SRGAP1: variants seen among roughly 807,000 people sequenced by gnomAD.
SRGAP1 encodes SLIT-ROBO Rho GTPase-activating protein 1.
SRGAP1 carries 43 observed loss-of-function variants against 121.9 expected under a neutral mutation model. The ratio of observed to expected loss-of-function variants is 0.35; its 90% confidence interval spans 0.28 to 0.46. The LOEUF (loss-of-function observed/expected upper bound fraction) is 0.46. SRGAP1 is among the 20% of genes least tolerant of loss of function. The pLI is 1.00. For missense variants in SRGAP1, 1,102 were observed against 1,350.9 expected (o/e 0.82, Z 2.89); for synonymous variants, 447 against 485.4 (o/e 0.92, Z 1.04).
At chr12:64,008,098 T>C (rs144021984) in intron 3 of SRGAP1, among the ~76,000 whole-genome samples, 1 of 152,324 alleles carries the variant, frequency 6.6e-6, no homozygotes, top group African/African-American at 2.4e-5. Flanking sequence ...ACCATGGGCA[T>C]GTCATTTAAT....
intron 1 of SRGAP1, among the ~76,000 whole-genome samples, chr12:63,901,161 CCCTGGAGAAA>C (rs745964193): frequency 1.3e-5 from 2 of 152,108 alleles, no homozygotes; most frequent in Non-Finnish European, 2.9e-5. Flanking sequence ...AAGGTCCTTG[CCCTGGAGAAA>C]CCTCATAGTT....
chr12:63,934,028 A>C (rs114821633), intron 1 of SRGAP1, among the ~76,000 whole-genome samples: 1 of 152,354 alleles, frequency 6.6e-6, no homozygotes, highest in African/African-American at 2.4e-5. Flanking sequence ...CCTCTATGCC[A>C]AAGTAAATCT....
At chr12:64,092,008 AT>A in intron 12 of SRGAP1, 3 of 1,154,196 alleles carry the variant, frequency 2.6e-6, no homozygotes, top group Non-Finnish European at 2.5e-6. Context: ...CTTTAATTAG[AT>A]TGTTAAGGTT....
At position 64,146,422 on chromosome 12, in the gene SRGAP1, G is replaced by A. The variant is rs537879498; in HGVS notation, c.*3750G>A. Reference sequence around the variant, plus strand: ...TATAATTTAAAGAAAAGGAAAAGAGGCGTGGGTTGGTAGTTGTGTCCTTAA... The same window carrying A: ...TATAATTTAAAGAAAAGGAAAAGAGACGTGGGTTGGTAGTTGTGTCCTTAA... On this transcript the variant is annotated 3_prime_UTR_variant, in exon 22 of 22. Transcript: ENST00000355086. 2 of 152,262 alleles carry A rather than the reference G, an allele frequency of 1.3e-5. No individual in the cohort carries two copies. Among genetic ancestry groups the A allele is most frequent in the African/African-American group, 4.8e-5 (2 of 41,548 alleles). 9.4% of individuals were successfully genotyped at this position (152,262 alleles called of 1,614,324 possible). A position where few individuals can be genotyped will look rare whatever the true frequency, so the allele number is the denominator to read the frequency against.
chr12:64,073,879 TTTTG>T, intron 8 of SRGAP1, among the ~76,000 whole-genome samples: 1 of 152,150 alleles, frequency 6.6e-6, no homozygotes, highest in South Asian at 2.1e-4. Flanking sequence ...TTTTGTGTTT[TTTTG>T]TTTGTTTGCT....
intron 1 of SRGAP1, among the ~76,000 whole-genome samples, chr12:63,959,581 A>AG (rs2032576626): frequency 6.6e-6 from 1 of 151,304 alleles, no homozygotes; most frequent in African/African-American, 2.5e-5. Context: ...TACTTGTGTG[A>AG]GGGGTTTTTT....
chr12:63,903,408 A>G (rs1315640376), intron 1 of SRGAP1, among the ~76,000 whole-genome samples: 2 of 151,960 alleles, frequency 1.3e-5, no homozygotes, highest in East Asian at 1.9e-4. Context: ...TACAAATACA[A>G]TACGTTTTTG....
rs73315336 is a variant in SRGAP1 at position 63,864,421 on chromosome 12, C to T, written c.67+19538C>T. Among the ~76,000 whole-genome samples, 740 of 152,266 alleles carry T rather than the reference C, an allele frequency of 4.9e-3. 11 individuals are homozygous for T. Among genetic ancestry groups the T allele is most frequent in the African/African-American group, 0.017 (707 of 41,552 alleles). On this transcript the variant is annotated intron_variant, in intron 1 of 21. Coordinates refer to ENST00000355086, the MANE Select transcript of SRGAP1 (RefSeq NM_020762.4). ...CACTCATGTAGATTAGTATACATCT[C>T]ATGTAACCTAGTAGTTTATAGCATG...
rs770581317 is a variant in SRGAP1, at chr12:63,983,901, C to T, written c.68-46C>T. On this transcript the variant is annotated intron_variant, in intron 1 of 21. Coordinates refer to ENST00000355086, the MANE Select transcript of SRGAP1 (RefSeq NM_020762.4). ...ATATCTTGCACATACCAGCATACCT[C>T]ATTAATTTTAATGTAACCATCCATT... is the stretch of plus-strand genomic sequence containing the variant. 6 of 977,368 alleles carry T rather than the reference C, an allele frequency of 6.1e-6. No individual in the cohort carries two copies. The South Asian group carries it at 1.7e-4, about 27-fold the overall frequency. The allele number at this position is 977,368 out of a possible 1,614,324, so 60.5% of individuals were successfully genotyped here.
chr12:63,857,250 T>G lies in SRGAP1; in HGVS notation c.67+12367T>G, dbSNP rs574543149. On this transcript the variant is annotated intron_variant, in intron 1 of 21. Transcript: ENST00000355086. The stretch of plus-strand genomic sequence containing the variant: ...ATGCTCCACCACGCCCAGCTAATTT[T>G]GTATTTTTAGTAGAGATGGGATTTC... Among the ~76,000 whole-genome samples the G allele has an allele frequency of 6.0e-5, 9 of 150,930 alleles. No homozygotes were observed. The South Asian group carries it at 6.2e-4, about 10-fold the overall frequency.
intron 1 of SRGAP1, among the ~76,000 whole-genome samples, chr12:63,936,354 A>G (rs916684070): frequency 6.6e-6 from 1 of 152,148 alleles, no homozygotes. Context: ...CCCTTTCTAT[A>G]TTGGAAGAGC....
At chr12:63,906,914 T>C (rs560962586) in intron 1 of SRGAP1, among the ~76,000 whole-genome samples, 1 of 151,812 alleles carries the variant, frequency 6.6e-6, no homozygotes, top group African/African-American at 2.4e-5. Flanking sequence ...CTCACTCTGA[T>C]ACCCAGGCTA....
chr12:63,867,351 T>C (rs1185682402), intron 1 of SRGAP1, among the ~76,000 whole-genome samples: 1 of 152,246 alleles, frequency 6.6e-6, no homozygotes, highest in African/African-American at 2.4e-5. Context: ...TTAGGAGTTA[T>C]TGATATTACT....
intron 19 of SRGAP1, 93 bp from the exon 20 acceptor site, chr12:64,127,497 C>T: frequency 7.9e-7 from 1 of 1,261,912 alleles, no homozygotes; most frequent in Non-Finnish European, 1.1e-6. Flanking sequence ...TACATAAATG[C>T]TATCACGTAA....
rs993299015 is a variant in SRGAP1, at chr12:64,152,674, C to T, written c.*10002C>T. ...CCCTCCGCATATACTTCATGTCATT[C>T]CTCAGCCTAAAATGTCCCCTACTTC... On this transcript the variant is annotated 3_prime_UTR_variant, in exon 22 of 22. Transcript: ENST00000355086. 1 of 152,126 alleles carries T rather than the reference C, an allele frequency of 6.6e-6. No individual in the cohort carries two copies. The highest frequency in any genetic ancestry group is 6.5e-5 in the Admixed American group (1 of 15,270). The allele number at this position is 152,126 out of a possible 1,614,324, so 9.4% of individuals were successfully genotyped here. A position where few individuals can be genotyped will look rare whatever the true frequency, so the allele number is the denominator to read the frequency against.
rs556079243 is a variant in SRGAP1 at position 63,906,564 on chromosome 12, C to A, written c.67+61681C>A. Among the ~76,000 whole-genome samples the A allele has an allele frequency of 2.6e-5, 4 of 152,074 alleles. No individual in the cohort carries two copies. The East Asian group carries it at 5.8e-4, about 22-fold the overall frequency. On this transcript the variant is annotated intron_variant, in intron 1 of 21. Coordinates refer to ENST00000355086, the MANE Select transcript of SRGAP1 (RefSeq NM_020762.4). ...TCCTGACCTCGTGATCTGCCCGCCT[C>A]GGCCTCCCAAAGTGCTGGGATTACA... is the stretch of plus-strand genomic sequence containing the variant.
At chr12:64,033,898 T>G (rs1337748987) in intron 4 of SRGAP1, among the ~76,000 whole-genome samples, 1 of 151,876 alleles carries the variant, frequency 6.6e-6, no homozygotes, top group Non-Finnish European at 1.5e-5. Flanking sequence ...CAGGCGCCTG[T>G]AATCCCAGCT....
At chr12:63,899,958 A>C (rs1900880971) in intron 1 of SRGAP1, among the ~76,000 whole-genome samples, 1 of 152,186 alleles carries the variant, frequency 6.6e-6, no homozygotes, top group African/African-American at 2.4e-5. Context: ...CTCGATGCAG[A>C]AGGCATGTTA....
At chr12:64,023,400 G>A (rs190817943) in intron 4 of SRGAP1, among the ~76,000 whole-genome samples, 1 of 152,090 alleles carries the variant, frequency 6.6e-6, no homozygotes, top group Admixed American at 6.5e-5. Flanking sequence ...ATATGAAACG[G>A]GTTTAAAGTG....
Sources: gnomAD v4.1 joint callset for allele counts (sites outside exome capture counted in the v4.1 genomes callset) on GRCh38, gnomAD v4.1.1 for gene constraint, MANE v1.5 for transcripts, NCBI Gene and HGNC (gene_info 2026-07-23, HGNC 2026-07-21) for gene names.